SLC12A1: variants seen among roughly 807,000 people sequenced by gnomAD.
SLC12A1 encodes the protein Na-K-2Cl cotransporter.
A neutral mutation model predicts 130.4 loss-of-function variants in SLC12A1; 89 were observed. The observed-to-expected ratio is 0.68, with a 90% CI of 0.58 to 0.81. The LOEUF is 0.81. Among genes scored for constraint, SLC12A1 ranks in the 40% least tolerant of loss-of-function variants. The pLI is 0.00. For missense variants in SLC12A1, 1,310 were observed against 1,336.4 expected (o/e 0.98, Z 0.31); for synonymous variants, 499 against 460.0 (o/e 1.08, Z -1.09).
chr15:48,227,372 T>A (rs2041303578), intron 5 of SLC12A1: 2 of 593,496 alleles, frequency 3.4e-6, no homozygotes, highest in Admixed American at 5.7e-5. Context: ...CCATTTCTTG[T>A]AACAAAACAT....
chr15:48,272,911 G>A lies in SLC12A1; in HGVS notation c.2403-1660G>A, dbSNP rs116787398. 4.8e-3 allele frequency among the ~76,000 whole-genome samples: 735 copies of A among 151,902 alleles called. 8 individuals are homozygous for A. The highest frequency in any genetic ancestry group is 0.044 in the Middle Eastern group (13 of 294). On this transcript the variant is annotated intron_variant, in intron 19 of 26. Transcript: ENST00000380993. ...TCACTTGAGGTCTCGAGTTTGAGAC[G>A]AACCTGGTCAAGATGATGAAACCCA...
At chr15:48,257,488 T>G (rs1357602234) in intron 16 of SLC12A1, among the ~76,000 whole-genome samples, 2 of 152,182 alleles carry the variant, frequency 1.3e-5, no homozygotes, top group East Asian at 3.9e-4. Flanking sequence ...TGCCTGGATA[T>G]CCAGGCATTT....
chr15:48,240,047 ATC>A, intron 9 of SLC12A1, among the ~76,000 whole-genome samples: 1 of 11,572 alleles, frequency 8.6e-5, no homozygotes, highest in Non-Finnish European at 8.7e-4. Flanking sequence ...ATATATATAT[ATC>A]CATATATATA....
At chr15:48,240,608 G>A (rs1182142962) in intron 9 of SLC12A1, among the ~76,000 whole-genome samples, 1 of 152,182 alleles carries the variant, frequency 6.6e-6, no homozygotes, top group East Asian at 1.9e-4. Context: ...TTTGACTGCA[G>A]TGATTGCTTA....
At position 48,274,567 on chromosome 15, in the gene SLC12A1, T is replaced by C; in HGVS notation, c.2403-4T>C. On this transcript the variant is annotated splice_region_variant and splice_polypyrimidine_tract_variant and intron_variant, in intron 19 of 26. Transcript: ENST00000380993. ...AACGCTGACTGCTTTGCTTCCTCTT[T>C]CAGTGATGCATTTGATTTTGAGATT... 1 of 1,608,564 alleles carries C rather than the reference T, an allele frequency of 6.2e-7. No individual in the cohort carries two copies. Among genetic ancestry groups the C allele is most frequent in the Non-Finnish European group, 8.5e-7 (1 of 1,176,044 alleles).
At position 48,303,095 on chromosome 15, in the gene SLC12A1, C is replaced by A. The variant is rs757112956; in HGVS notation, c.*210C>A. 1.1e-5 allele frequency: 4 copies of A among 367,740 alleles called. No individual in the cohort carries two copies. The highest frequency in any genetic ancestry group is 1.9e-5 in the Non-Finnish European group (4 of 208,180). The allele number at this position is 367,740 out of a possible 1,614,324, so 22.8% of individuals were successfully genotyped here. ...AGGGGTTGTCAAAGCCAATGTTATC[C>A]CTAGAAAAACATTTTTGTCACTGCT... On this transcript the variant is annotated 3_prime_UTR_variant, in exon 27 of 27. Coordinates refer to ENST00000380993, the MANE Select transcript of SLC12A1 (RefSeq NM_000338.3).
intron 26 of SLC12A1, 67 bp downstream of exon 26, chr15:48,301,449 T>G: frequency 1.8e-6 from 2 of 1,107,976 alleles, no homozygotes; most frequent in Non-Finnish European, 2.5e-6. Flanking sequence ...TTAATCCATT[T>G]AAAAGCTTGG....
chr15:48,230,622 G>A (rs2041363213), intron 7 of SLC12A1, 119 bp downstream of exon 7: 1 of 701,588 alleles, frequency 1.4e-6, no homozygotes, highest in East Asian at 2.7e-5. Context: ...ATGGTGAAAT[G>A]AGCAGGCAAG....
At chr15:48,256,417 G>A (rs530645195) in intron 16 of SLC12A1, among the ~76,000 whole-genome samples, 1 of 152,290 alleles carries the variant, frequency 6.6e-6, no homozygotes, top group South Asian at 2.1e-4. Context: ...GGGGTAAGTG[G>A]CTAGAGGAAA....
rs2041596913 is a variant in SLC12A1, at chr15:48,247,547, C to T, written c.1684+87C>T. On this transcript the variant is annotated intron_variant, in intron 13 of 26. Transcript: ENST00000380993. ...TTTCCTTTTAGTTTGAAAAATTACT[C>T]GTTTTATGTTTAGGATCCCATTTGG... 13 of 1,072,122 alleles carry T rather than the reference C, an allele frequency of 1.2e-5. No individual in the cohort carries two copies. In the South Asian group the frequency reaches 1.9e-4, roughly 15 times the overall value. 66.4% of individuals were successfully genotyped at this position (1,072,122 alleles called of 1,614,324 possible). A position where few individuals can be genotyped will look rare whatever the true frequency, so the allele number is the denominator to read the frequency against.
At position 48,235,048 on chromosome 15, in the gene SLC12A1, A is replaced by G. The variant is rs757626803; in HGVS notation, c.1215+44A>G. ...TTTGCAGTCCTGGGAGTGGTGGTAC[A>G]CTTGGTGGGTAGCACAAGGAGCTAG... On this transcript the variant is annotated intron_variant, in intron 9 of 26. Coordinates refer to ENST00000380993, the MANE Select transcript of SLC12A1 (RefSeq NM_000338.3). 3.1e-6 allele frequency: 5 copies of G among 1,599,072 alleles called. No homozygotes were observed. The African/African-American group carries it at 5.3e-5, about 17-fold the overall frequency.
At chr15:48,288,989 T>C (rs2042088916) in intron 23 of SLC12A1, among the ~76,000 whole-genome samples, 1 of 152,070 alleles carries the variant, frequency 6.6e-6, no homozygotes, top group Admixed American at 6.6e-5. Flanking sequence ...AGCTCTGCCA[T>C]CAAGGAGCTG....
Position 48,288,101 on chromosome 15 carries a change from G to A in SLC12A1, c.2688G>A (p.Val896=), listed in dbSNP as rs908529666. 3.1e-6 allele frequency: 5 copies of A among 1,610,866 alleles called. No individual in the cohort carries two copies. Among genetic ancestry groups the A allele is most frequent in the Non-Finnish European group, 4.2e-6 (5 of 1,178,474 alleles). Residue 896 remains valine, a synonymous_variant, in exon 22 of 27, where the codon GTG becomes GTA. Transcript: ENST00000380993. ...MHVGEFNQKL[V]EASTQFKKKQ... ...TGGGAGAGTTCAACCAGAAACTGGT[G>A]GAAGCCAGCACTCAATTTAAAAAGA... is the stretch of plus-strand genomic sequence containing the variant.
chr15:48,254,261 G>T (rs1401081632), intron 15 of SLC12A1, among the ~76,000 whole-genome samples: 1 of 151,642 alleles, frequency 6.6e-6, no homozygotes, highest in Non-Finnish European at 1.5e-5. Flanking sequence ...GTATATTTAG[G>T]TCTATTATCC....
At chr15:48,239,632 A>G (rs914974266) in intron 9 of SLC12A1, among the ~76,000 whole-genome samples, 2 of 151,970 alleles carry the variant, frequency 1.3e-5, no homozygotes, top group Non-Finnish European at 2.9e-5. Flanking sequence ...GCAAATAAAA[A>G]CTAAGTTTTT....
At chr15:48,292,522 T>C (rs914225996) in intron 24 of SLC12A1, among the ~76,000 whole-genome samples, 2 of 152,250 alleles carry the variant, frequency 1.3e-5, no homozygotes, top group Admixed American at 1.3e-4. Flanking sequence ...ACTCCATTAG[T>C]GTCTTAGTTA....
At chr15:48,273,950 A>C (rs1427936321) in intron 19 of SLC12A1, among the ~76,000 whole-genome samples, 1 of 152,244 alleles carries the variant, frequency 6.6e-6, no homozygotes. Flanking sequence ...TAATCTCTTC[A>C]AACAGAGATA....
chr15:48,277,924 C>T (rs769534961), intron 20 of SLC12A1, among the ~76,000 whole-genome samples: 1 of 152,146 alleles, frequency 6.6e-6, no homozygotes, highest in Non-Finnish European at 1.5e-5. Context: ...GATAATGAAG[C>T]ATTAAAAAAT....
intron 2 of SLC12A1, among the ~76,000 whole-genome samples, chr15:48,218,914 G>C (rs2041161952): frequency 6.6e-6 from 1 of 152,166 alleles, no homozygotes; most frequent in Admixed American, 6.5e-5. Context: ...TATAGATAGA[G>C]AACTATTCTC....
Sources: gnomAD v4.1 joint callset for allele counts (sites outside exome capture counted in the v4.1 genomes callset) on GRCh38, gnomAD v4.1.1 for gene constraint, MANE v1.5 for transcripts, NCBI Gene and HGNC (gene_info 2026-07-23, HGNC 2026-07-21) for gene names.